HM13: variants seen among roughly 807,000 people sequenced by gnomAD.
HM13 encodes the protein histocompatibility minor 13, also known as signal peptide peptidase.
HM13 carries 18 observed loss-of-function variants against 50.0 expected under a neutral mutation model. The ratio of observed to expected loss-of-function variants is 0.36; its 90% CI spans 0.25 to 0.53. The LOEUF is 0.53. Ranked by LOEUF, HM13 falls within the 20% of genes least tolerant of loss-of-function variation. The pLI is 0.90. For synonymous variants in HM13, 197 were observed against 232.6 expected (o/e 0.85, Z 1.39); for missense variants, 393 against 552.4 (o/e 0.71, Z 2.89).
intron 4 of HM13, among the ~76,000 whole-genome samples, chr20:31,546,207 G>A (rs1327443717): frequency 6.6e-6 from 1 of 151,614 alleles, no homozygotes; most frequent in Non-Finnish European, 1.5e-5. Context: ...CCGCCACTAC[G>A]CCCGGCTAAT....
At chr20:31,517,497 A>G (rs7274389) in intron 1 of HM13, among the ~76,000 whole-genome samples, 1,560 of 152,242 alleles carry the variant, frequency 0.01, 17 homozygotes, top group Non-Finnish European at 0.018. Context: ...GGGACAAAGA[A>G]GGCCAAGCCC....
intron 7 of HM13, among the ~76,000 whole-genome samples, chr20:31,551,438 G>A (rs1984029455): frequency 6.6e-6 from 1 of 152,220 alleles, no homozygotes; most frequent in African/African-American, 2.4e-5. Flanking sequence ...TTATGTCTCA[G>A]GGAGGGATGG....
intron 2 of HM13, among the ~76,000 whole-genome samples, chr20:31,533,168 C>A (rs1390683513): frequency 1.3e-5 from 2 of 152,212 alleles, no homozygotes; most frequent in African/African-American, 4.8e-5. Flanking sequence ...CTCCCCTCCT[C>A]CTGGTTGGGG....
At chr20:31,524,561 C>T (rs1982369597) in intron 1 of HM13, among the ~76,000 whole-genome samples, 1 of 152,056 alleles carries the variant, frequency 6.6e-6, no homozygotes, top group Non-Finnish European at 1.5e-5. Context: ...GCCCCACCGA[C>T]TCAGTATGTT....
Position 31,514,739 on chromosome 20 carries a change from G to T in HM13, c.183+5G>T. On this transcript the variant is annotated splice_donor_5th_base_variant and intron_variant, in intron 1 of 12. Coordinates refer to ENST00000398174, the MANE Select transcript of HM13 (RefSeq NM_178581.3). The surrounding 1 kb of genome is among the most constrained non-coding windows in gnomAD (Gnocchi z 4.3). ...GTACGCTGCGCCCGCGGCAAGGTAG[G>T]GTCAGCGGGAAAACCGGGCACTTTC... is the stretch of plus-strand genomic sequence containing the variant. 1.3e-6 allele frequency: 2 copies of T among 1,521,470 alleles called. No individual in the cohort carries two copies. The highest frequency in any genetic ancestry group is 8.8e-7 in the Non-Finnish European group (1 of 1,135,162). 94.2% of individuals were successfully genotyped at this position (1,521,470 alleles called of 1,614,324 possible).
intron 1 of HM13, among the ~76,000 whole-genome samples, chr20:31,516,146 A>G (rs1981758918): frequency 6.6e-6 from 1 of 152,196 alleles, no homozygotes; most frequent in African/African-American, 2.4e-5. Flanking sequence ...GGTGATATTA[A>G]GCCTCTCTAC....
chr20:31,530,497 G>T (rs904881569), intron 2 of HM13, among the ~76,000 whole-genome samples: 2 of 150,758 alleles, frequency 1.3e-5, no homozygotes, highest in Non-Finnish European at 3.0e-5. Flanking sequence ...TGCAACCTCC[G>T]CCTCCCTAGT....
chr20:31,569,097 G>A (rs1236790917), intron 12 of HM13, 23 bp from the exon 13 acceptor site: 4 of 1,425,622 alleles, frequency 2.8e-6, no homozygotes, highest in South Asian at 1.2e-5. Context: ...AATTTTTATT[G>A]TTGTTTTTTT....
At chr20:31,547,570 A>G in intron 4 of HM13, 1 of 1,222,082 alleles carries the variant, frequency 8.2e-7, no homozygotes, top group Admixed American at 2.3e-5. Context: ...GTCAGTTATT[A>G]AGGGCATTAA....
intron 8 of HM13, among the ~76,000 whole-genome samples, chr20:31,556,781 G>A (rs925081762): frequency 6.6e-6 from 1 of 152,174 alleles, no homozygotes; most frequent in Non-Finnish European, 1.5e-5. Flanking sequence ...AGCACTTTGG[G>A]AGGCTGAGGC....
At chr20:31,529,882 G>C (rs1316637799) in intron 2 of HM13, among the ~76,000 whole-genome samples, 1 of 152,062 alleles carries the variant, frequency 6.6e-6, no homozygotes, top group Admixed American at 6.6e-5. Context: ...CAGGGGAATC[G>C]CTTGAACCCG....
chr20:31,523,618 G>A (rs908858895), intron 1 of HM13, among the ~76,000 whole-genome samples: 3 of 152,206 alleles, frequency 2.0e-5, no homozygotes, highest in Non-Finnish European at 4.4e-5. Context: ...TATGTATCAT[G>A]TCACAGTATT....
At chr20:31,565,178 A>AG (rs1486774655) in intron 10 of HM13, among the ~76,000 whole-genome samples, 17 of 151,058 alleles carry the variant, frequency 1.1e-4, no homozygotes, top group African/African-American at 4.2e-4. Context: ...AAAAAAAAAA[A>AG]AAAGAAAGAA....
intron 7 of HM13, among the ~76,000 whole-genome samples, chr20:31,552,536 G>T (rs1984086478): frequency 6.6e-6 from 1 of 152,198 alleles, no homozygotes; most frequent in Non-Finnish European, 1.5e-5. Flanking sequence ...CTAGGGAGAA[G>T]ACCCACTGCC....
intron 11 of HM13, chr20:31,567,809 A>G: frequency 2.6e-6 from 1 of 382,054 alleles, no homozygotes; most frequent in Non-Finnish European, 4.7e-6. Context: ...TTTCTACGGT[A>G]TTTCTTAGAG....
chr20:31,554,727 TTCCCGCC>T lies in HM13; in HGVS notation c.725-12_725-6del. ...ACTGGGCTCCAGCTGACTCCTCACA[TTCCCGCC>T]TCCCGCTTCAGTGGTGTTTCCCCAG... On this transcript the variant is annotated splice_polypyrimidine_tract_variant and intron_variant, in intron 7 of 12. Transcript: ENST00000398174. 1 of 1,608,180 alleles carries T rather than the reference TTCCCGCC, an allele frequency of 6.2e-7. No homozygotes were observed. Among genetic ancestry groups the T allele is most frequent in the Non-Finnish European group, 8.5e-7 (1 of 1,175,110 alleles).
At position 31,566,269 on chromosome 20, in the gene HM13, C is replaced by T. The variant is rs776855200; in HGVS notation, c.1008C>T (p.Ala336=). ...CIGFPVLVAL[A]KGEVTEMFSY... is the part of the protein sequence containing the mutation. Reference sequence around the variant, plus strand: ...GTTTTCCTGTCCTGGTGGCGCTGGCCAAGGGAGAAGTGACAGAGATGTTCA... The same window carrying T: ...GTTTTCCTGTCCTGGTGGCGCTGGCTAAGGGAGAAGTGACAGAGATGTTCA... The change falls in exon 11 of 13, where the codon GCC becomes GCT. Residue 336 remains alanine, a synonymous_variant. Coordinates refer to ENST00000398174, the MANE Select transcript of HM13 (RefSeq NM_178581.3). 1 of 1,613,986 alleles carries T rather than the reference C, an allele frequency of 6.2e-7. No homozygotes were observed. Among genetic ancestry groups the T allele is most frequent in the East Asian group, 2.2e-5 (1 of 44,860 alleles).
At chr20:31,530,390 G>A (rs1721164226) in intron 2 of HM13, among the ~76,000 whole-genome samples, 2 of 148,714 alleles carry the variant, frequency 1.3e-5, no homozygotes, top group Admixed American at 1.3e-4. Context: ...TATCAACACA[G>A]TCAAATTACC....
intron 1 of HM13, among the ~76,000 whole-genome samples, chr20:31,520,588 G>A (rs1461436579): frequency 6.6e-6 from 1 of 152,220 alleles, no homozygotes; most frequent in Admixed American, 6.5e-5. Context: ...ACAGGTGTGA[G>A]CCACTGTGCC....
Sources: gnomAD v4.1 joint callset for allele counts (sites outside exome capture counted in the v4.1 genomes callset) on GRCh38, gnomAD v4.1.1 for gene constraint, Gnocchi (gnomAD v3.1) non-coding constraint, MANE v1.5 for transcripts, NCBI Gene and HGNC (gene_info 2026-07-23, HGNC 2026-07-21) for gene names.